Variants in MAN1A1 observed in about 807,000 individuals in gnomAD.
The protein encoded by MAN1A1 is mannosyl-oligosaccharide 1,2-alpha-mannosidase IA.
In MAN1A1, 29 loss-of-function variants were observed where a neutral mutation model predicts 70.8. The ratio of observed to expected loss-of-function variants is 0.41; its 90% CI spans 0.31 to 0.56. The LOEUF (loss-of-function observed/expected upper bound fraction) is 0.56. Ranked by LOEUF, MAN1A1 falls within the 20% of genes least tolerant of loss-of-function variation. The probability of loss-of-function intolerance (pLI) is 0.29; values close to 1 mark genes in which losing one functional copy is unlikely to be tolerated. For missense variants in MAN1A1, 747 were observed against 841.3 expected (o/e 0.89, Z 1.39); for synonymous variants, 349 against 330.1 (o/e 1.06, Z -0.62).
At chr6:119,197,849 A>C (rs1773614651) in intron 8 of MAN1A1, among the ~76,000 whole-genome samples, 1 of 152,076 alleles carries the variant, frequency 6.6e-6, no homozygotes, top group African/African-American at 2.4e-5. Context: ...TCTAAATATA[A>C]AGGGCTCTTT....
intron 7 of MAN1A1, among the ~76,000 whole-genome samples, chr6:119,202,139 T>A (rs1031480831): frequency 1.3e-5 from 2 of 152,170 alleles, no homozygotes; most frequent in East Asian, 1.9e-4. Context: ...ATTAAAAAAA[T>A]TTTGACTCTT....
chr6:119,194,368 G>C (rs1200686365), intron 8 of MAN1A1, among the ~76,000 whole-genome samples: 1 of 152,164 alleles, frequency 6.6e-6, no homozygotes, highest in African/African-American at 2.4e-5. Context: ...CTGTCACCCA[G>C]GCTGGAGTGC....
At chr6:119,288,536 C>G (rs370526204) in intron 5 of MAN1A1, among the ~76,000 whole-genome samples, 1 of 151,840 alleles carries the variant, frequency 6.6e-6, no homozygotes, top group African/African-American at 2.4e-5. Context: ...GGATCACATT[C>G]CTAATGGCCA....
At chr6:119,283,503 A>G (rs1230441287) in intron 5 of MAN1A1, among the ~76,000 whole-genome samples, 1 of 152,274 alleles carries the variant, frequency 6.6e-6, no homozygotes, top group East Asian at 1.9e-4. Context: ...ACAGAGCCAT[A>G]AACAATGAAC....
In MAN1A1 at chr6:119,199,011, G is replaced by T. The variant is rs1317162597; in HGVS notation, c.1210+2243C>A. Among the ~76,000 whole-genome samples, 4 of 152,166 alleles carry T rather than the reference G, an allele frequency of 2.6e-5. No individual in the cohort carries two copies. In the East Asian group the frequency reaches 7.7e-4, roughly 29 times the overall value. ...ACTGGTCTATCTTGTACTTTACACA[G>T]ATTGTTTTCCATATATGATCTTATA... On this transcript the variant is annotated intron_variant, in intron 8 of 12. Transcript: ENST00000368468.
chr6:119,208,632 T>C (rs150904938), intron 6 of MAN1A1, among the ~76,000 whole-genome samples: 65 of 152,318 alleles, frequency 4.3e-4, no homozygotes, highest in African/African-American at 1.5e-3. Context: ...GAATGGTTAA[T>C]AGGGCTGGAG....
Position 119,198,381 on chromosome 6 carries a change from C to T in MAN1A1, c.1210+2873G>A, listed in dbSNP as rs190937338. On this transcript the variant is annotated intron_variant, in intron 8 of 12. Transcript: ENST00000368468. ...CTCCAGCCTGGGTGACAGAGCGAGA[C>T]TCCCATCTCAAACAACAAAACAGAA... 2.6e-5 allele frequency among the ~76,000 whole-genome samples: 4 copies of T among 151,498 alleles called. No individual in the cohort carries two copies. In the East Asian group the frequency reaches 7.9e-4, roughly 30 times the overall value.
intron 5 of MAN1A1, chr6:119,269,501 C>T (rs1582752270): frequency 5.4e-6 from 1 of 184,956 alleles, no homozygotes; most frequent in Non-Finnish European, 1.1e-5. Flanking sequence ...CCAAAAGATG[C>T]AGATGGGGGG....
At chr6:119,287,698 G>T (rs1020386671) in intron 5 of MAN1A1, among the ~76,000 whole-genome samples, 1 of 151,896 alleles carries the variant, frequency 6.6e-6, no homozygotes, top group Non-Finnish European at 1.5e-5. Flanking sequence ...TATGTATACA[G>T]ATACAGATTT....
intron 2 of MAN1A1, among the ~76,000 whole-genome samples, chr6:119,324,903 C>T (rs144686292): frequency 1.8e-4 from 27 of 152,212 alleles, no homozygotes; most frequent in African/African-American, 4.6e-4. Context: ...CATTTTTGGA[C>T]GCAGAGTGGT....
intron 2 of MAN1A1, among the ~76,000 whole-genome samples, chr6:119,346,761 G>A (rs747842602): frequency 5.3e-5 from 8 of 152,152 alleles, no homozygotes; most frequent in Non-Finnish European, 1.2e-4. Flanking sequence ...CTTTTCCTCG[G>A]ACAACTGTGA....
At chr6:119,232,965 A>G (rs1774729012) in intron 6 of MAN1A1, among the ~76,000 whole-genome samples, 1 of 152,152 alleles carries the variant, frequency 6.6e-6, no homozygotes, top group South Asian at 2.1e-4. Flanking sequence ...GGATTATTCT[A>G]TATAGTGCTT....
At chr6:119,220,433 T>C (rs540465882) in intron 6 of MAN1A1, among the ~76,000 whole-genome samples, 18 of 152,372 alleles carry the variant, frequency 1.2e-4, no homozygotes, top group African/African-American at 4.3e-4. Context: ...TTTCCTTCTC[T>C]TTAGAATGAC....
rs150690473 is a variant in MAN1A1 at position 119,323,126 on chromosome 6, G to A, written c.604-16134C>T. 5.1e-3 allele frequency among the ~76,000 whole-genome samples: 769 copies of A among 152,262 alleles called. 4 individuals are homozygous for A. Among genetic ancestry groups the A allele is most frequent in the African/African-American group, 0.017 (721 of 41,536 alleles). On this transcript the variant is annotated intron_variant, in intron 2 of 12. Transcript: ENST00000368468. ...AACTAGTCAAATTGAACAAAAGATC[G>A]CATTATAAAATGTAGTTCTGCTGTA...
At chr6:119,228,646 A>G (rs1774587096) in intron 6 of MAN1A1, among the ~76,000 whole-genome samples, 1 of 152,154 alleles carries the variant, frequency 6.6e-6, no homozygotes, top group South Asian at 2.1e-4. Context: ...CCACAATGAT[A>G]TGAAATTCAG....
At chr6:119,322,126 T>A (rs1773026396) in intron 2 of MAN1A1, among the ~76,000 whole-genome samples, 1 of 152,140 alleles carries the variant, frequency 6.6e-6, no homozygotes, top group African/African-American at 2.4e-5. Flanking sequence ...GCCATTCCCA[T>A]GTTCCTTTGT....
At chr6:119,346,395 A>C (rs896535302) in intron 2 of MAN1A1, among the ~76,000 whole-genome samples, 2 of 152,158 alleles carry the variant, frequency 1.3e-5, no homozygotes, top group African/African-American at 4.8e-5. Context: ...TCTTCCCATT[A>C]GCCTTTGACT....
intron 5 of MAN1A1, among the ~76,000 whole-genome samples, chr6:119,250,671 TGTGTGC>T (rs1381843540): frequency 6.6e-6 from 1 of 151,472 alleles, no homozygotes. Context: ...TGTGTGTGTG[TGTGTGC>T]GTGTCAGTTA....
chr6:119,346,053 C>A (rs1773719254), intron 2 of MAN1A1, among the ~76,000 whole-genome samples: 1 of 151,940 alleles, frequency 6.6e-6, no homozygotes, highest in Non-Finnish European at 1.5e-5. Flanking sequence ...TTGGAGTGAG[C>A]TGAGATCACC....
Sources: allele counts gnomAD v4.1 joint callset (sites outside exome capture counted in the v4.1 genomes callset), GRCh38; gene constraint gnomAD v4.1.1; transcripts MANE v1.5; gene names NCBI Gene and HGNC (gene_info 2026-07-23, HGNC 2026-07-21).